Variants in CHRM3 observed in about 807,000 individuals in gnomAD.
The protein encoded by CHRM3 is cholinergic receptor muscarinic 3, also known as muscarinic acetylcholine receptor M3.
A neutral mutation model predicts 41.8 loss-of-function variants in CHRM3; 11 were observed. The ratio of observed to expected loss-of-function variants is 0.26; its 90% confidence interval spans 0.17 to 0.44. The LOEUF is 0.44. Among genes scored for constraint, CHRM3 ranks in the 20% least tolerant of loss-of-function variants. The probability of loss-of-function intolerance (pLI) is 1.00; values close to 1 mark genes in which losing one functional copy is unlikely to be tolerated. For synonymous variants in CHRM3, 297 were observed against 301.4 expected (o/e 0.99, Z 0.15); for missense variants, 571 against 745.4 (o/e 0.77, Z 2.72).
At chr1:239,878,511 C>A (rs1677309776) in intron 6 of CHRM3, among the ~76,000 whole-genome samples, 1 of 151,956 alleles carries the variant, frequency 6.6e-6, no homozygotes, top group East Asian at 1.9e-4. Flanking sequence ...TGGCCCAGTT[C>A]CTAACAGGCC....
intron 1 of CHRM3, among the ~76,000 whole-genome samples, chr1:239,460,393 C>T (rs910998004): frequency 6.6e-6 from 1 of 152,100 alleles, no homozygotes; most frequent in Non-Finnish European, 1.5e-5. Flanking sequence ...GACACCTTCT[C>T]TATTAGGAGA....
intron 6 of CHRM3, among the ~76,000 whole-genome samples, chr1:239,855,261 T>C (rs1247972295): frequency 2.0e-5 from 3 of 152,178 alleles, no homozygotes; most frequent in African/African-American, 7.2e-5. Flanking sequence ...CCAAAAGCAT[T>C]TCTTAGCTTT....
At chr1:239,416,127 A>G (rs1290055063) in intron 1 of CHRM3, among the ~76,000 whole-genome samples, 6 of 152,246 alleles carry the variant, frequency 3.9e-5, no homozygotes, top group Non-Finnish European at 1.5e-5. Flanking sequence ...TTAAAGAAAT[A>G]AAATCTTAGA....
At chr1:239,690,432 C>T (rs932346402) in intron 5 of CHRM3, among the ~76,000 whole-genome samples, 63 of 151,906 alleles carry the variant, frequency 4.1e-4, no homozygotes, top group Non-Finnish European at 7.2e-4. Flanking sequence ...GGTTTCACCA[C>T]GTTGGCCAGG....
intron 5 of CHRM3, among the ~76,000 whole-genome samples, chr1:239,687,664 A>T (rs1659276029): frequency 6.6e-6 from 1 of 152,138 alleles, no homozygotes. Flanking sequence ...CGTGCTGCAT[A>T]ATGATGCTTC....
At chr1:239,818,032 A>G (rs770010944) in intron 5 of CHRM3, among the ~76,000 whole-genome samples, 3 of 152,162 alleles carry the variant, frequency 2.0e-5, no homozygotes. Flanking sequence ...GGTTGTCACA[A>G]CAAAACACCA....
chr1:239,402,457 G>C (rs556054075), intron 1 of CHRM3, among the ~76,000 whole-genome samples: 9 of 152,170 alleles, frequency 5.9e-5, no homozygotes, highest in Non-Finnish European at 1.0e-4. Flanking sequence ...AGTCTCTTTT[G>C]GATTTTACGG....
At chr1:239,458,591 A>G (rs1427320278) in intron 1 of CHRM3, among the ~76,000 whole-genome samples, 1 of 152,240 alleles carries the variant, frequency 6.6e-6, no homozygotes, top group East Asian at 1.9e-4. Context: ...CATAATAATT[A>G]TAATAATAGG....
intron 5 of CHRM3, among the ~76,000 whole-genome samples, chr1:239,767,722 A>G (rs1572228846): frequency 6.6e-6 from 1 of 152,196 alleles, no homozygotes; most frequent in Admixed American, 6.5e-5. Context: ...AATCTTCACA[A>G]TGATCGTGCA....
At chr1:239,781,604 G>A (rs1292388104) in intron 5 of CHRM3, among the ~76,000 whole-genome samples, 1 of 151,978 alleles carries the variant, frequency 6.6e-6, no homozygotes, top group African/African-American at 2.4e-5. Flanking sequence ...TAAATTCTTA[G>A]CATTCCCTTT....
chr1:239,519,944 T>C (rs1669530097), intron 2 of CHRM3, among the ~76,000 whole-genome samples: 1 of 152,016 alleles, frequency 6.6e-6, no homozygotes, highest in African/African-American at 2.4e-5. Context: ...AGACGGGGTT[T>C]CCCCGTGTTA....
intron 4 of CHRM3, among the ~76,000 whole-genome samples, chr1:239,666,926 G>A (rs1482381643): frequency 6.6e-6 from 1 of 152,104 alleles, no homozygotes; most frequent in African/African-American, 2.4e-5. Flanking sequence ...CAGTATTTGG[G>A]TTTCTGTTCT....
intron 1 of CHRM3, among the ~76,000 whole-genome samples, chr1:239,388,770 C>T (rs1056447199): frequency 3.2e-4 from 49 of 152,346 alleles, no homozygotes; most frequent in African/African-American, 1.1e-3. Flanking sequence ...ATGCCTGCTT[C>T]TTCAGTGTGC....
At chr1:239,721,023 G>A (rs969425830) in intron 5 of CHRM3, among the ~76,000 whole-genome samples, 1 of 151,782 alleles carries the variant, frequency 6.6e-6, no homozygotes, top group African/African-American at 2.4e-5. Context: ...AATGAGAATT[G>A]TATATTGTGA....
At chr1:239,738,608 G>C (rs1320311560) in intron 5 of CHRM3, among the ~76,000 whole-genome samples, 1 of 151,698 alleles carries the variant, frequency 6.6e-6, no homozygotes, top group Non-Finnish European at 1.5e-5. Context: ...TTTGATATTA[G>C]AAACATGTCA....
At chr1:239,432,948 T>C (rs1357912136) in intron 1 of CHRM3, among the ~76,000 whole-genome samples, 2 of 152,210 alleles carry the variant, frequency 1.3e-5, no homozygotes, top group Non-Finnish European at 2.9e-5. Context: ...CTATTTTTAC[T>C]CTCTGAGATA....
intron 3 of CHRM3, among the ~76,000 whole-genome samples, chr1:239,606,633 G>A (rs1403161427): frequency 6.6e-6 from 1 of 152,132 alleles, no homozygotes; most frequent in African/African-American, 2.4e-5. Context: ...GAATAGCTCT[G>A]TGTTGCCCCA....
At chr1:239,539,474 A>G (rs1185700340) in intron 2 of CHRM3, among the ~76,000 whole-genome samples, 1 of 151,426 alleles carries the variant, frequency 6.6e-6, no homozygotes, top group Non-Finnish European at 1.5e-5. Context: ...CTTTTGCAGC[A>G]ATTACTTTTG....
intron 1 of CHRM3, among the ~76,000 whole-genome samples, chr1:239,417,395 A>C (rs1434817008): frequency 6.6e-6 from 1 of 152,182 alleles, no homozygotes; most frequent in African/African-American, 2.4e-5. Flanking sequence ...CTGAATCACC[A>C]GATCTGCAGG....
Sources: allele counts gnomAD v4.1 joint callset (sites outside exome capture counted in the v4.1 genomes callset), GRCh38; gene constraint gnomAD v4.1.1; transcripts MANE v1.5; gene names NCBI Gene and HGNC (gene_info 2026-07-23, HGNC 2026-07-21).